USP25: variants seen among roughly 807,000 people sequenced by gnomAD.
USP25 encodes the protein ubiquitin carboxyl-terminal hydrolase 25.
Under a neutral mutation model 158.5 loss-of-function variants are expected in USP25, and 85 were observed. The observed-to-expected ratio is 0.54, with a 90% CI of 0.45 to 0.64. The LOEUF is 0.64. Ranked by LOEUF, USP25 falls within the 30% of genes least tolerant of loss-of-function variation. The pLI, the probability that USP25 is intolerant of heterozygous loss-of-function variation, is 0.00. For missense variants in USP25, 1,242 were observed against 1,327.3 expected (o/e 0.94, Z 1.00); for synonymous variants, 464 against 460.4 (o/e 1.01, Z -0.10).
intron 23 of USP25, among the ~76,000 whole-genome samples, chr21:15,870,738 G>C (rs921939232): frequency 2.0e-5 from 3 of 152,000 alleles, no homozygotes; most frequent in African/African-American, 7.2e-5. Flanking sequence ...ATTGTTTTTT[G>C]AGAAAATGCT....
At chr21:15,876,960 C>G (rs958907492) in intron 24 of USP25, 4 of 151,972 alleles carry the variant, frequency 2.6e-5, no homozygotes, top group African/African-American at 9.7e-5. Context: ...CTGTATTTAT[C>G]TCTTATGTTT....
At chr21:15,776,347 AC>A (rs2034655242) in intron 3 of USP25, among the ~76,000 whole-genome samples, 2 of 152,108 alleles carry the variant, frequency 1.3e-5, no homozygotes, top group South Asian at 2.1e-4. Context: ...ATTAAAAAAA[AC>A]ACCACCACTT....
chr21:15,874,259 C>A, intron 23 of USP25, 144 bp from the exon 24 acceptor site: 1 of 672,308 alleles, frequency 1.5e-6, no homozygotes, highest in Non-Finnish European at 2.3e-6. Flanking sequence ...CGCTCTCAAG[C>A]ATACACTGCG....
At chr21:15,792,290 A>G (rs2123620707) in intron 5 of USP25, among the ~76,000 whole-genome samples, 1 of 147,182 alleles carries the variant, frequency 6.8e-6, no homozygotes, top group African/African-American at 2.5e-5. Context: ...TTCAATTTGG[A>G]ACAGTTTTCT....
Position 15,851,116 on chromosome 21 carries a change from TA to T in USP25, c.2547+1254del, listed in dbSNP as rs766082727. Among the ~76,000 whole-genome samples, 251 of 148,968 alleles carry T rather than the reference TA, an allele frequency of 1.7e-3. No homozygotes were observed. The Middle Eastern group carries it at 0.027, about 16-fold the overall frequency. The stretch of plus-strand genomic sequence containing the variant: ...CCAGATAGTCTACATTTTCTTTTCT[TA>T]AAAAAAAAACACTGAATATATGTCC... On this transcript the variant is annotated intron_variant, in intron 20 of 25. Transcript: ENST00000400183.
At chr21:15,827,742 G>T (rs2037583487) in intron 14 of USP25, among the ~76,000 whole-genome samples, 1 of 149,102 alleles carries the variant, frequency 6.7e-6, no homozygotes, top group African/African-American at 2.5e-5. Context: ...TCTGGGTGGG[G>T]TGTGTGCACT....
At chr21:15,734,284 A>G (rs956398448) in intron 1 of USP25, among the ~76,000 whole-genome samples, 8 of 152,198 alleles carry the variant, frequency 5.3e-5, no homozygotes, top group African/African-American at 1.7e-4. Flanking sequence ...TAAATTTCTT[A>G]CTTAAAATAA....
chr21:15,805,937 T>C (rs1383178840), intron 7 of USP25, among the ~76,000 whole-genome samples: 2 of 152,202 alleles, frequency 1.3e-5, no homozygotes, highest in African/African-American at 4.8e-5. Context: ...TACTTGGATG[T>C]GTCTCTGTTT....
chr21:15,867,558 A>C (rs73185439), intron 22 of USP25, among the ~76,000 whole-genome samples: 55 of 152,294 alleles, frequency 3.6e-4, no homozygotes, highest in Admixed American at 1.2e-3. Context: ...ATAAGCGAAA[A>C]GTAAAATACT....
chr21:15,767,114 T>A (rs1314857159), intron 3 of USP25, among the ~76,000 whole-genome samples: 1 of 152,060 alleles, frequency 6.6e-6, no homozygotes, highest in East Asian at 1.9e-4. Context: ...CCTGTTTACT[T>A]AACGTCTAAG....
In USP25 at chr21:15,875,447, A is replaced by G. The variant is rs571387663; in HGVS notation, c.3009+921A>G. 5.9e-5 allele frequency among the ~76,000 whole-genome samples: 9 copies of G among 152,264 alleles called. No homozygotes were observed. In the South Asian group the frequency reaches 1.9e-3, roughly 32 times the overall value. ...TTCCTTTCAGATTTTTTCACGTTGT[A>G]TATTTACAAAGTGTCAGGTTCTGAG... On this transcript the variant is annotated intron_variant, in intron 24 of 25. Coordinates refer to ENST00000400183, the MANE Select transcript of USP25 (RefSeq NM_001283041.3). The surrounding 1 kb of genome is among the most constrained non-coding windows in gnomAD (Gnocchi z 4.7).
chr21:15,849,834 G>A lies in USP25; in HGVS notation c.2509G>A (p.Val837Ile), dbSNP rs1240724943. 10 of 1,540,384 alleles carry A rather than the reference G, an allele frequency of 6.5e-6. No individual in the cohort carries two copies. In the Admixed American group the frequency reaches 1.8e-4, roughly 28 times the overall value. The change falls in exon 20 of 26, where the codon GTA becomes ATA. Residue 837 changes from valine to isoleucine, a missense_variant. By Grantham distance (29) the Val-to-Ile change is conservative. Coordinates refer to ENST00000400183, the MANE Select transcript of USP25 (RefSeq NM_001283041.3). The part of the protein sequence containing the change: ...IIMAIGKSRS[V>I]YDRCGPEAGF... Reference sequence around the variant, plus strand: ...CATGGCGATAGGTAAATCCAGGAGTGTATATGACAGGTGTGGCCCTGAAGC... The same window carrying A: ...CATGGCGATAGGTAAATCCAGGAGTATATATGACAGGTGTGGCCCTGAAGC...
intron 17 of USP25, among the ~76,000 whole-genome samples, chr21:15,838,378 A>G (rs1483137919): frequency 6.6e-6 from 1 of 152,164 alleles, no homozygotes; most frequent in Non-Finnish European, 1.5e-5. Flanking sequence ...GTAGGAGAAC[A>G]TAAAATTTTA....
At chr21:15,862,989 C>CTTTCTTAAGTTTTAA (rs2039498103) in intron 20 of USP25, among the ~76,000 whole-genome samples, 1 of 151,806 alleles carries the variant, frequency 6.6e-6, no homozygotes, top group Non-Finnish European at 1.5e-5. Context: ...GAAAGGCATG[C>CTTTCTTAAGTTTTAA]ATTTTTTAAA....
At chr21:15,841,849 A>T (rs1035653395) in intron 17 of USP25, among the ~76,000 whole-genome samples, 3 of 152,126 alleles carry the variant, frequency 2.0e-5, no homozygotes, top group African/African-American at 4.8e-5. Context: ...TGGATATATA[A>T]GTCTGGAACT....
intron 1 of USP25, among the ~76,000 whole-genome samples, chr21:15,759,619 G>C (rs2033608429): frequency 6.6e-6 from 1 of 152,304 alleles, no homozygotes; most frequent in East Asian, 1.9e-4. Flanking sequence ...TTAAGATAAG[G>C]AGTTGTGGAG....
chr21:15,764,481 G>A (rs1253218765), intron 2 of USP25, among the ~76,000 whole-genome samples: 2 of 151,850 alleles, frequency 1.3e-5, no homozygotes, highest in Non-Finnish European at 2.9e-5. Context: ...CTTAATTGTT[G>A]CCCATTATAA....
At chr21:15,859,017 C>A (rs1389215888) in intron 20 of USP25, among the ~76,000 whole-genome samples, 4 of 151,134 alleles carry the variant, frequency 2.6e-5, no homozygotes, top group Non-Finnish European at 5.9e-5. Flanking sequence ...TTTTGTACAC[C>A]ACACTGTTTG....
At chr21:15,872,839 T>G (rs1157630149) in intron 23 of USP25, among the ~76,000 whole-genome samples, 1 of 152,166 alleles carries the variant, frequency 6.6e-6, no homozygotes, top group Non-Finnish European at 1.5e-5. Context: ...AGTACATGAA[T>G]TAAGTAATAA....
Sources: allele counts gnomAD v4.1 joint callset (sites outside exome capture counted in the v4.1 genomes callset), GRCh38; gene constraint gnomAD v4.1.1; non-coding constraint Gnocchi (gnomAD v3.1); transcripts MANE v1.5; gene names NCBI Gene and HGNC (gene_info 2026-07-23, HGNC 2026-07-21).